BMP6: variants seen among roughly 807,000 people sequenced by gnomAD.
BMP6 encodes bone morphogenetic protein 6.
In BMP6, 17 loss-of-function variants were observed where a neutral mutation model predicts 54.1. The ratio of observed to expected loss-of-function variants is 0.31; its 90% CI spans 0.22 to 0.47. The LOEUF (loss-of-function observed/expected upper bound fraction) is 0.47. BMP6 is among the 20% of genes least tolerant of loss of function. The probability of loss-of-function intolerance (pLI) is 1.00; values close to 1 mark genes in which losing one functional copy is unlikely to be tolerated. For synonymous variants in BMP6, 328 were observed against 291.2 expected, an observed-to-expected ratio of 1.13 and a Z score of -1.28; for missense variants, 720 against 690.4, an observed-to-expected ratio of 1.04 and a Z score of -0.48.
At chr6:7,851,339 A>G (rs1334468916) in intron 2 of BMP6, among the ~76,000 whole-genome samples, 1 of 152,154 alleles carries the variant, frequency 6.6e-6, no homozygotes, top group African/African-American at 2.4e-5. Context: ...AATTTTAGGT[A>G]TTGAAGTTTC....
chr6:7,727,070 G>A lies in BMP6; in HGVS notation c.115G>A (p.Ala39Thr). Residue 39 changes from alanine (A) to threonine (T), a missense_variant, in exon 1 of 7, where the codon GCC becomes ACC. Ala to Thr is a moderately conservative substitution (Grantham distance 58). Around this residue, in one of 3 missense-constraint regions of BMP6, gnomAD observed 650 missense variants for 556.3 expected, o/e 1.17. Coordinates refer to ENST00000283147, the MANE Select transcript of BMP6 (RefSeq NM_001718.6). ...CTTGCCCGCTGCCGCGGCCGCCGCC[G>A]CCGGGGGGCAGCTGCTGGGGGACGG... ...PPLPAAAAAA[A>T]GGQLLGDGGS... The A allele has an allele frequency of 8.1e-7, 1 of 1,230,326 alleles. No individual in the cohort carries two copies. The highest frequency in any genetic ancestry group is 1.0e-6 in the Non-Finnish European group (1 of 985,980). The allele number at this position is 1,230,326 out of a possible 1,614,324, so 76.2% of individuals were successfully genotyped here.
At chr6:7,808,565 C>T (rs757245925) in intron 1 of BMP6, among the ~76,000 whole-genome samples, 13 of 152,156 alleles carry the variant, frequency 8.5e-5, no homozygotes, top group East Asian at 7.7e-4. Context: ...TTCCCCGAAA[C>T]GCTTTCCTTC....
At position 7,732,898 on chromosome 6, in the gene BMP6, G is replaced by A. The variant is rs961146507; in HGVS notation, c.664+5279G>A. ...TCAAAAATGAACTATTCTAGGGAAT[G>A]ATTTTTTTTTTTTTTTAAGACAGTA... On this transcript the variant is annotated intron_variant, in intron 1 of 6. Coordinates refer to ENST00000283147, the MANE Select transcript of BMP6 (RefSeq NM_001718.6). 1.2e-4 allele frequency among the ~76,000 whole-genome samples: 12 copies of A among 98,686 alleles called. No homozygotes were observed. In the South Asian group the frequency reaches 3.3e-3, roughly 28 times the overall value. 64.7% of individuals were successfully genotyped at this position (98,686 alleles called of 152,430 possible).
At chr6:7,811,735 C>T (rs956920545) in intron 1 of BMP6, among the ~76,000 whole-genome samples, 5 of 152,168 alleles carry the variant, frequency 3.3e-5, no homozygotes, top group African/African-American at 9.7e-5. Context: ...TAACATCTTC[C>T]TCCCTTTATT....
intron 1 of BMP6, among the ~76,000 whole-genome samples, chr6:7,835,607 C>T (rs144335311): frequency 3.3e-5 from 5 of 152,132 alleles, no homozygotes; most frequent in Non-Finnish European, 5.9e-5. Flanking sequence ...TTGATTTTTA[C>T]TAAATGTGGT....
chr6:7,791,986 TTGGATGGATGGATGGATGGA>T lies in BMP6; in HGVS notation c.665-53125_665-53106del, dbSNP rs55687662. On this transcript the variant is annotated intron_variant, in intron 1 of 6. Coordinates refer to ENST00000283147, the MANE Select transcript of BMP6 (RefSeq NM_001718.6). ...GTATCAGTCAGAGAAACAGGACCAA[TTGGATGGATGGATGGATGGA>T]TGGATGGATGGATGGATGGATGGAT... 5.5e-3 allele frequency among the ~76,000 whole-genome samples: 822 copies of T among 150,426 alleles called. 7 individuals are homozygous for T. Among genetic ancestry groups the T allele is most frequent in the African/African-American group, 0.019 (780 of 40,816 alleles).
At chr6:7,866,466 G>T (rs142932012) in intron 4 of BMP6, among the ~76,000 whole-genome samples, 1 of 152,196 alleles carries the variant, frequency 6.6e-6, no homozygotes, top group Non-Finnish European at 1.5e-5. Flanking sequence ...ATCTTCTGGG[G>T]GACTGTGATA....
intron 2 of BMP6, among the ~76,000 whole-genome samples, chr6:7,852,883 A>G (rs2113264643): frequency 6.6e-6 from 1 of 152,334 alleles, no homozygotes; most frequent in Non-Finnish European, 1.5e-5. Flanking sequence ...GACTACACAG[A>G]AGTGACCCAG....
chr6:7,778,605 G>A (rs1324070699), intron 1 of BMP6, among the ~76,000 whole-genome samples: 2 of 152,196 alleles, frequency 1.3e-5, no homozygotes, highest in African/African-American at 4.8e-5. Context: ...CAAAAACCGA[G>A]GCACAGGGTA....
chr6:7,750,310 C>T (rs373168518), intron 1 of BMP6, among the ~76,000 whole-genome samples: 1 of 151,990 alleles, frequency 6.6e-6, no homozygotes, highest in East Asian at 1.9e-4. Context: ...GAGAGGCTGA[C>T]GTGTAGATAC....
intron 1 of BMP6, among the ~76,000 whole-genome samples, chr6:7,759,648 GAATTTAAAA>G (rs1239031198): frequency 1.6e-5 from 2 of 122,352 alleles, no homozygotes; most frequent in Non-Finnish European, 3.5e-5. Flanking sequence ...TGAAATAAAA[GAATTTAAAA>G]AAAAGAAGTG....
intron 2 of BMP6, among the ~76,000 whole-genome samples, chr6:7,846,997 G>T (rs56377413): frequency 2.6e-5 from 4 of 152,112 alleles, no homozygotes; most frequent in Admixed American, 1.3e-4. Context: ...GGAGTTAAGT[G>T]ACTGGCATTT....
At chr6:7,855,673 C>T (rs1759217336) in intron 2 of BMP6, among the ~76,000 whole-genome samples, 1 of 150,948 alleles carries the variant, frequency 6.6e-6, no homozygotes, top group South Asian at 2.1e-4. Flanking sequence ...GAGATCCTCC[C>T]ACCTCAGCCC....
chr6:7,768,445 C>T (rs983052527), intron 1 of BMP6, among the ~76,000 whole-genome samples: 8 of 152,062 alleles, frequency 5.3e-5, no homozygotes, highest in Non-Finnish European at 1.2e-4. Flanking sequence ...TTTGTTTTGC[C>T]CTGGGCAGAG....
At chr6:7,803,826 CTT>C (rs1758307884) in intron 1 of BMP6, among the ~76,000 whole-genome samples, 1 of 152,092 alleles carries the variant, frequency 6.6e-6, no homozygotes, top group African/African-American at 2.4e-5. Flanking sequence ...CTTTTCCTCT[CTT>C]AGCAGTTACA....
In BMP6 at chr6:7,861,534, G is replaced by A; in HGVS notation, c.941G>A (p.Ser314Asn). The A allele has an allele frequency of 1.9e-6, 3 of 1,614,214 alleles. No individual in the cohort carries two copies. The South Asian group carries it at 3.3e-5, about 18-fold the overall frequency. The change falls in exon 3 of 7, where the codon AGC becomes AAC. Residue 314 changes from serine to asparagine, a missense_variant. This residue lies in a region of BMP6 where 650 missense variants were observed against 556.3 expected (regional missense o/e 1.17). Transcript: ENST00000283147. Reference sequence around the variant, plus strand: ...CTGGAATTTGACATCACGGCCACTAGCAATCTGTGGGTTGTGACTCCACAG... The same window carrying A: ...CTGGAATTTGACATCACGGCCACTAACAATCTGTGGGTTGTGACTCCACAG... ...GWLEFDITAT[S>N]NLWVVTPQHN...
chr6:7,773,332 G>A (rs1267522940), intron 1 of BMP6, among the ~76,000 whole-genome samples: 1 of 152,146 alleles, frequency 6.6e-6, no homozygotes, highest in Non-Finnish European at 1.5e-5. Context: ...TATTCCAAAA[G>A]GAATTAGGGA....
At chr6:7,847,896 C>G (rs1250318167) in intron 2 of BMP6, among the ~76,000 whole-genome samples, 1 of 152,186 alleles carries the variant, frequency 6.6e-6, no homozygotes, top group Non-Finnish European at 1.5e-5. Context: ...ACACTTGATA[C>G]TTTACTCAAA....
chr6:7,800,974 G>A (rs564280268), intron 1 of BMP6, among the ~76,000 whole-genome samples: 30 of 151,844 alleles, frequency 2.0e-4, no homozygotes, highest in African/African-American at 5.8e-4. Flanking sequence ...GCCACCATGT[G>A]TACTTCCATG....
Sources: allele counts gnomAD v4.1 joint callset (sites outside exome capture counted in the v4.1 genomes callset), GRCh38; gene constraint gnomAD v4.1.1; regional missense constraint gnomAD v4.1.1; transcripts MANE v1.5; gene names NCBI Gene and HGNC (gene_info 2026-07-23, HGNC 2026-07-21).